EFCAB7: variants seen among roughly 807,000 people sequenced by gnomAD.
EFCAB7 encodes EF-hand calcium binding domain 7.
In EFCAB7, 66 loss-of-function variants were observed where a neutral mutation model predicts 77.1. The observed-to-expected ratio is 0.86, with a 90% CI of 0.70 to 1.05. The LOEUF is 1.05. EFCAB7 is among the 50% of genes least tolerant of loss of function. The probability of loss-of-function intolerance (pLI) is 0.00; values close to 1 mark genes in which losing one functional copy is unlikely to be tolerated. For missense variants in EFCAB7, 638 were observed against 730.5 expected, an observed-to-expected ratio of 0.87 and a Z score of 1.46; for synonymous variants, 225 against 243.3, an observed-to-expected ratio of 0.92 and a Z score of 0.70.
At chr1:63,580,948 G>A in the EFCAB7 span, among the ~76,000 whole-genome samples, 1 of 145,200 alleles carries the variant, frequency 6.9e-6, no homozygotes, top group Non-Finnish European at 1.5e-5. Flanking sequence ...TCCTAGGAAG[G>A]TTTTTTTTTA....
At chr1:63,544,772 C>T (rs895710079) in intron 6 of EFCAB7, among the ~76,000 whole-genome samples, 6 of 151,992 alleles carry the variant, frequency 3.9e-5, no homozygotes, top group Admixed American at 6.6e-5. Context: ...TTATTTTGCT[C>T]TTACATTTAA....
downstream of EFCAB7, among the ~76,000 whole-genome samples, chr1:63,575,234 A>T (rs1647379197): frequency 6.6e-6 from 1 of 152,080 alleles, no homozygotes; most frequent in African/African-American, 2.4e-5. Flanking sequence ...TATATATATG[A>T]GTCATGACAT....
downstream of EFCAB7, among the ~76,000 whole-genome samples, chr1:63,576,262 C>T (rs1028320194): frequency 2.0e-5 from 3 of 152,068 alleles, no homozygotes; most frequent in Admixed American, 1.3e-4. Context: ...GGCAGATCAC[C>T]TGAGGTCAGG....
chr1:63,550,542 T>C (rs1432545019), intron 7 of EFCAB7: 5 of 152,130 alleles, frequency 3.3e-5, no homozygotes, highest in Non-Finnish European at 5.9e-5. Flanking sequence ...CACAGATTTT[T>C]ATATCAATTT....
intron 9 of EFCAB7, among the ~76,000 whole-genome samples, 175 bp downstream of exon 9, chr1:63,555,690 C>T (rs1397675355): frequency 1.3e-5 from 2 of 152,016 alleles, no homozygotes; most frequent in African/African-American, 4.8e-5. Flanking sequence ...TTAAATAAGC[C>T]AGGCACAGAA....
In EFCAB7 at chr1:63,555,368, G is replaced by C; in HGVS notation, c.1067G>C (p.Trp356Ser). ...TTGTTTTGAGAAAAGGTGTTTGGAT[G>C]GACTGGTGAACTAGGACCTGGAATT... ...TELRNREVFG[W>S]TGELGPGIYW... is the part of the protein sequence containing the mutation. The change falls in exon 9 of 14, where the codon TGG becomes TCG. Residue 356 changes from tryptophan to serine, a missense_variant. By Grantham distance (177) the Trp-to-Ser change is radical (BLOSUM62 -3). Coordinates refer to ENST00000371088, the MANE Select transcript of EFCAB7 (RefSeq NM_032437.4). The C allele has an allele frequency of 6.2e-7, 1 of 1,610,434 alleles. No individual in the cohort carries two copies. The highest frequency in any genetic ancestry group is 1.1e-5 in the South Asian group (1 of 90,546).
intron 1 of EFCAB7, among the ~76,000 whole-genome samples, chr1:63,524,033 G>A (rs1203985763): frequency 6.6e-6 from 1 of 152,152 alleles, no homozygotes; most frequent in East Asian, 1.9e-4. Flanking sequence ...TTCCAAGCCT[G>A]CGGGGGGTGC....
chr1:63,532,057 A>G, intron 3 of EFCAB7, 26 bp downstream of exon 3: 1 of 1,561,276 alleles, frequency 6.4e-7, no homozygotes. Flanking sequence ...CTGTTTTGTA[A>G]TGTGCATATT....
chr1:63,574,636 C>T (rs1195706874), downstream of EFCAB7, among the ~76,000 whole-genome samples: 1 of 152,134 alleles, frequency 6.6e-6, no homozygotes, highest in Admixed American at 6.5e-5. Flanking sequence ...GATCTGATGC[C>T]TTTTGATGGC....
rs994085663 is a variant in EFCAB7 at position 63,572,526 on chromosome 1, C to G, written c.*10C>G. On this transcript the variant is annotated 3_prime_UTR_variant, in exon 14 of 14. Coordinates refer to ENST00000371088, the MANE Select transcript of EFCAB7 (RefSeq NM_032437.4). ...TTCTCTTATTTCTTAAATAATTATACTTAGAACTTACCAAACTAAGAATTA... is the reference window on the plus strand; with the variant it reads ...TTCTCTTATTTCTTAAATAATTATAGTTAGAACTTACCAAACTAAGAATTA... 67 of 1,433,248 alleles carry G rather than the reference C, an allele frequency of 4.7e-5. No individual in the cohort carries two copies. The highest frequency in any genetic ancestry group is 6.1e-5 in the Non-Finnish European group (65 of 1,068,106). The allele number at this position is 1,433,248 out of a possible 1,614,324, so 88.8% of individuals were successfully genotyped here. A position where few individuals can be genotyped will look rare whatever the true frequency, so the allele number is the denominator to read the frequency against.
chr1:63,555,863 G>A (rs1331331270), intron 9 of EFCAB7, among the ~76,000 whole-genome samples: 1 of 152,022 alleles, frequency 6.6e-6, no homozygotes, highest in Non-Finnish European at 1.5e-5. Context: ...TCAGCCTCTT[G>A]AGTAGCAGTA....
chr1:63,562,445 TTATTTATATATATATA>T (rs1190542562), intron 11 of EFCAB7, among the ~76,000 whole-genome samples: 7,118 of 71,008 alleles, frequency 0.1, 505 homozygotes, highest in South Asian at 0.14. Context: ...CCTTCTTAAT[TTATTTATATATATATA>T]TATATATATA....
chr1:63,525,319 A>G (rs1339847857), intron 1 of EFCAB7, among the ~76,000 whole-genome samples: 1 of 152,180 alleles, frequency 6.6e-6, no homozygotes, highest in South Asian at 2.1e-4. Flanking sequence ...ATACATATGT[A>G]TATATCTAAA....
intron 1 of EFCAB7, 91 bp from the exon 2 acceptor site, chr1:63,525,481 T>C: frequency 9.3e-7 from 1 of 1,074,096 alleles, no homozygotes; most frequent in South Asian, 2.4e-5. Flanking sequence ...TATAAAATCT[T>C]GATTCTCCTC....
intron 11 of EFCAB7, among the ~76,000 whole-genome samples, chr1:63,566,674 T>TA (rs1418369451): frequency 6.6e-6 from 1 of 151,894 alleles, no homozygotes; most frequent in Non-Finnish European, 1.5e-5. Flanking sequence ...AATAAACCTT[T>TA]AAAAATGCCA....
At chr1:63,531,082 A>G (rs1419812126) in intron 2 of EFCAB7, among the ~76,000 whole-genome samples, 2 of 152,114 alleles carry the variant, frequency 1.3e-5, no homozygotes, top group African/African-American at 4.8e-5. Flanking sequence ...ATACTGTGCA[A>G]TAGAATAGCA....
intron 1 of EFCAB7, 98 bp from the exon 2 acceptor site, chr1:63,525,474 A>C: frequency 9.8e-7 from 1 of 1,017,468 alleles, no homozygotes; most frequent in South Asian, 2.5e-5. Context: ...TTCTATGTAT[A>C]AAATCTTGAT....
At chr1:63,533,018 A>G (rs1033497529) in intron 4 of EFCAB7, among the ~76,000 whole-genome samples, 1 of 152,160 alleles carries the variant, frequency 6.6e-6, no homozygotes, top group Non-Finnish European at 1.5e-5. Flanking sequence ...CCAGTCCCAT[A>G]ATTGCAATCT....
chr1:63,553,207 A>C (rs1646986919), intron 8 of EFCAB7, among the ~76,000 whole-genome samples: 1 of 152,188 alleles, frequency 6.6e-6, no homozygotes. Flanking sequence ...TTATGTGTGG[A>C]GATAAGGAAG....
Sources: allele counts gnomAD v4.1 joint callset (sites outside exome capture counted in the v4.1 genomes callset), GRCh38; gene constraint gnomAD v4.1.1; transcripts MANE v1.5; gene names NCBI Gene and HGNC (gene_info 2026-07-23, HGNC 2026-07-21).